Variants in PBX3 observed in about 807,000 individuals in gnomAD.
PBX3 encodes the protein PBX homeobox 3, also known as pre-B-cell leukemia transcription factor 3.
Under a neutral mutation model 48.5 loss-of-function variants are expected in PBX3, and 14 were observed. That is an observed-to-expected ratio of 0.29 (90% CI 0.19 to 0.45). PBX3 has a LOEUF of 0.45. PBX3 is among the 20% of genes least tolerant of loss of function. The pLI is 1.00. For synonymous variants in PBX3, 210 were observed against 200.3 expected (o/e 1.05, Z -0.41); for missense variants, 386 against 546.7 (o/e 0.71, Z 2.93).
chr9:125,956,571 G>A (rs896038400), intron 5 of PBX3, among the ~76,000 whole-genome samples: 6 of 152,160 alleles, frequency 3.9e-5, no homozygotes, highest in Non-Finnish European at 8.8e-5. Flanking sequence ...GAAAATCAGC[G>A]GACTGCATAA....
intron 5 of PBX3, among the ~76,000 whole-genome samples, chr9:125,939,080 G>A (rs917711357): frequency 6.6e-6 from 1 of 151,864 alleles, no homozygotes; most frequent in South Asian, 2.1e-4. Context: ...TAGGGGAAGG[G>A]CATATACAAA....
chr9:125,781,721 C>G (rs1298601845), intron 2 of PBX3, among the ~76,000 whole-genome samples: 2 of 150,808 alleles, frequency 1.3e-5, no homozygotes, highest in Non-Finnish European at 2.9e-5. Context: ...TTATTATTTA[C>G]TTTCTTCTGC....
intron 3 of PBX3, among the ~76,000 whole-genome samples, chr9:125,921,470 T>C (rs1298866566): frequency 6.6e-6 from 1 of 152,216 alleles, no homozygotes; most frequent in African/African-American, 2.4e-5. Flanking sequence ...ATTTTCATTG[T>C]CATCAGTAAT....
chr9:125,793,605 C>T (rs1837688049), intron 2 of PBX3, among the ~76,000 whole-genome samples: 1 of 151,296 alleles, frequency 6.6e-6, no homozygotes, highest in South Asian at 2.1e-4. Flanking sequence ...AATTTTCATA[C>T]TTTTAGTAGA....
chr9:125,929,760 C>T lies in PBX3; in HGVS notation c.622C>T (p.Arg208Ter), dbSNP rs866234715. The stretch of plus-strand genomic sequence containing the variant: ...TGAAAGAATGGTGGGCATCATCCAT[C>T]GAAAATTTAGTTCCATTCAGATGCA... ...EIERMVGIIHRKFSSIQMQLK... is the reference protein window; with the variant it reads ...EIERMVGIIH Residue 208 changes from arginine (R) to a stop codon, truncating the protein, a stop_gained, in exon 4 of 9, where the codon CGA becomes TGA. Coordinates refer to ENST00000373489, the MANE Select transcript of PBX3 (RefSeq NM_006195.6). LOFTEE classifies it high-confidence loss of function. The T allele has an allele frequency of 6.2e-7, 1 of 1,613,730 alleles. No homozygotes were observed. Among genetic ancestry groups the T allele is most frequent in the South Asian group, 1.1e-5 (1 of 91,056 alleles).
chr9:125,858,621 C>CTT (rs1404234354), intron 2 of PBX3, among the ~76,000 whole-genome samples: 372 of 78,790 alleles, frequency 4.7e-3, no homozygotes, highest in Admixed American at 0.014. Context: ...GACTTTGGTC[C>CTT]ATTTTTTTTT....
chr9:125,965,513 C>A (rs932548692), intron 8 of PBX3, among the ~76,000 whole-genome samples: 7 of 152,184 alleles, frequency 4.6e-5, no homozygotes, highest in Non-Finnish European at 8.8e-5. Context: ...CTCCACTGCT[C>A]CCTTCTGAAG....
intron 2 of PBX3, among the ~76,000 whole-genome samples, chr9:125,808,829 T>A (rs2132119060): frequency 6.6e-6 from 1 of 152,312 alleles, no homozygotes; most frequent in South Asian, 2.1e-4. Flanking sequence ...TTTAAACACA[T>A]CTTATTTAAT....
chr9:125,753,216 C>T (rs780648033), intron 2 of PBX3, among the ~76,000 whole-genome samples: 3 of 151,800 alleles, frequency 2.0e-5, no homozygotes, highest in African/African-American at 7.3e-5. Flanking sequence ...AATACAAAGT[C>T]AGAGTATCTT....
chr9:125,762,395 T>C (rs923474772), intron 2 of PBX3, among the ~76,000 whole-genome samples: 2 of 152,184 alleles, frequency 1.3e-5, no homozygotes, highest in Non-Finnish European at 2.9e-5. Flanking sequence ...TACCTTTGAG[T>C]TATTTTTTTC....
At chr9:125,815,107 G>T (rs140862707) in intron 2 of PBX3, among the ~76,000 whole-genome samples, 14 of 152,144 alleles carry the variant, frequency 9.2e-5, no homozygotes, top group Admixed American at 9.2e-4. Flanking sequence ...TTTTTTGAAA[G>T]ACTGAAAGAA....
chr9:125,885,058 T>C (rs575474366), intron 2 of PBX3, among the ~76,000 whole-genome samples: 1 of 152,284 alleles, frequency 6.6e-6, no homozygotes, highest in Admixed American at 6.5e-5. Flanking sequence ...TTAGGTCAAC[T>C]GTTAAAGTAA....
At chr9:125,793,366 A>ATATATATATATATATATATATAT (rs1554855766) in intron 2 of PBX3, among the ~76,000 whole-genome samples, 28 of 101,924 alleles carry the variant, frequency 2.7e-4, no homozygotes, top group African/African-American at 8.4e-4. Context: ...GGAAAAAAAA[A>ATATATATATATATATATATATAT]ATATATATAT....
At chr9:125,822,015 A>G (rs1316113925) in intron 2 of PBX3, among the ~76,000 whole-genome samples, 2 of 152,068 alleles carry the variant, frequency 1.3e-5, no homozygotes, top group Non-Finnish European at 2.9e-5. Context: ...AATGATGGCA[A>G]TTTCATAAAG....
At chr9:125,834,370 T>G (rs1292008611) in intron 2 of PBX3, among the ~76,000 whole-genome samples, 5 of 152,066 alleles carry the variant, frequency 3.3e-5, no homozygotes, top group African/African-American at 1.2e-4. Flanking sequence ...TGGCTAAAAC[T>G]AAGAATGGAT....
chr9:125,855,096 T>C (rs1477897764), intron 2 of PBX3, among the ~76,000 whole-genome samples: 1 of 152,214 alleles, frequency 6.6e-6, no homozygotes, highest in African/African-American at 2.4e-5. Flanking sequence ...TTGACATGAA[T>C]TCTGTCTTTC....
intron 2 of PBX3, among the ~76,000 whole-genome samples, chr9:125,830,941 G>A (rs190308524): frequency 6.6e-6 from 1 of 152,126 alleles, no homozygotes; most frequent in East Asian, 1.9e-4. Context: ...ATGAACTCCT[G>A]TATAACCACC....
intron 5 of PBX3, among the ~76,000 whole-genome samples, chr9:125,958,496 A>G (rs1376634571): frequency 6.6e-6 from 1 of 152,240 alleles, no homozygotes; most frequent in Admixed American, 6.5e-5. Flanking sequence ...TGTTGGAAGT[A>G]GGACCAATAT....
At chr9:125,803,125 G>T (rs1203387872) in intron 2 of PBX3, among the ~76,000 whole-genome samples, 4 of 112,146 alleles carry the variant, frequency 3.6e-5, no homozygotes, top group Non-Finnish European at 6.9e-5. Context: ...TCAGAGTCTC[G>T]CTGTGTCGCC....
Sources: gnomAD v4.1 joint callset for allele counts (sites outside exome capture counted in the v4.1 genomes callset) on GRCh38, gnomAD v4.1.1 for gene constraint, MANE v1.5 for transcripts, NCBI Gene and HGNC (gene_info 2026-07-23, HGNC 2026-07-21) for gene names.